Variants in SEMA4D observed in about 807,000 individuals in gnomAD.
The protein encoded by SEMA4D is semaphorin 4D.
A neutral mutation model predicts 74.8 loss-of-function variants in SEMA4D; 22 were observed. That is an observed-to-expected ratio of 0.29 (90% CI 0.21 to 0.42). SEMA4D has a LOEUF of 0.42. Among genes scored for constraint, SEMA4D ranks in the 10% least tolerant of loss-of-function variants. SEMA4D has a pLI of 1.00. For synonymous variants in SEMA4D, 445 were observed against 463.7 expected, an observed-to-expected ratio of 0.96 and a Z score of 0.52; for missense variants, 937 against 1,118.4, an observed-to-expected ratio of 0.84 and a Z score of 2.31.
intron 2 of SEMA4D, among the ~76,000 whole-genome samples, chr9:89,451,892 G>T (rs7850091): frequency 0.96 from 146,490 of 152,328 alleles, 70,652 homozygotes; most frequent in Non-Finnish European, 1. Flanking sequence ...GCCTTCTGTG[G>T]GCAAACTCTT....
chr9:89,391,724 G>A (rs1839918590), intron 8 of SEMA4D, among the ~76,000 whole-genome samples: 1 of 152,134 alleles, frequency 6.6e-6, no homozygotes, highest in African/African-American at 2.4e-5. Context: ...TGGAAGGCAG[G>A]GAGCCAGATG....
intron 6 of SEMA4D, among the ~76,000 whole-genome samples, chr9:89,394,355 T>C (rs1026917828): frequency 1.3e-5 from 2 of 151,840 alleles, no homozygotes; most frequent in African/African-American, 2.4e-5. Flanking sequence ...CTGGGGGAAA[T>C]GCCTACAGAA....
At chr9:89,420,269 C>T (rs1436738903) in intron 2 of SEMA4D, among the ~76,000 whole-genome samples, 2 of 152,172 alleles carry the variant, frequency 1.3e-5, no homozygotes. Flanking sequence ...TACACATACA[C>T]GGTTTGTTTC....
In SEMA4D at chr9:89,379,032, T is replaced by C. The variant is rs1038584355; in HGVS notation, c.2261A>G (p.Asn754Ser). 1.2e-6 allele frequency: 2 copies of C among 1,611,754 alleles called. No individual in the cohort carries two copies. Among genetic ancestry groups the C allele is most frequent in the South Asian group, 1.1e-5 (1 of 90,896 alleles). Residue 754 changes from asparagine to serine, a missense_variant, in exon 16 of 16, where the codon AAC becomes AGC. Physicochemically the swap from Asn to Ser is conservative, Grantham distance 46. Coordinates refer to ENST00000422704, the MANE Select transcript of SEMA4D (RefSeq NM_001371194.2). Reference protein sequence around the residue: ...FVLFLCLFFYNCYKGYLPRQC... With the variant: ...FVLFLCLFFYSCYKGYLPRQC... ...TCTGGGCAGGTATCCCTTATAGCAG[T>C]TGTAGAAAAAGAGGCAGAGGAAGAG...
intron 8 of SEMA4D, among the ~76,000 whole-genome samples, chr9:89,391,837 G>A (rs1487319950): frequency 6.6e-6 from 1 of 152,218 alleles, no homozygotes. Flanking sequence ...CCACCCTGAG[G>A]AATGGCCGAC....
chr9:89,421,715 G>A (rs887269404), intron 2 of SEMA4D, among the ~76,000 whole-genome samples: 19 of 152,314 alleles, frequency 1.2e-4, no homozygotes, highest in Admixed American at 1.0e-3. Context: ...ATGAAAGGGC[G>A]CTGTTCAGTA....
chr9:89,363,271 C>CG (rs887094705), intron 18 of SEMA4D, among the ~76,000 whole-genome samples: 1 of 147,690 alleles, frequency 6.8e-6, no homozygotes, highest in African/African-American at 2.4e-5. Flanking sequence ...GGGATTTCCC[C>CG]CCCCAGTGTT....
chr9:89,414,222 A>T (rs1462635779), intron 2 of SEMA4D, among the ~76,000 whole-genome samples: 2 of 152,208 alleles, frequency 1.3e-5, no homozygotes, highest in Non-Finnish European at 2.9e-5. Context: ...CTGAAAGGGG[A>T]TCTCTGGTGA....
rs1855786251 is a variant in SEMA4D at position 89,455,775 on chromosome 9, T to C, written c.-244+113A>G. On this transcript the variant is annotated intron_variant, in intron 2 of 15. Coordinates refer to ENST00000422704, the MANE Select transcript of SEMA4D (RefSeq NM_001371194.2). Reference sequence around the variant, plus strand: ...GACACCTGCCTGGCAGGTCACACAGTGAATGGGCATCGCTGCTGACTGAGG... The same window carrying C: ...GACACCTGCCTGGCAGGTCACACAGCGAATGGGCATCGCTGCTGACTGAGG... 3 of 152,216 alleles carry C rather than the reference T, an allele frequency of 2.0e-5. No homozygotes were observed. In the South Asian group the frequency reaches 6.2e-4, roughly 32 times the overall value. The allele number at this position is 152,216 out of a possible 1,614,324, so 9.4% of individuals were successfully genotyped here.
At chr9:89,428,687 C>T (rs374048728) in intron 2 of SEMA4D, among the ~76,000 whole-genome samples, 5 of 152,254 alleles carry the variant, frequency 3.3e-5, no homozygotes, top group East Asian at 1.9e-4. Flanking sequence ...TTCTCCTGCA[C>T]CAGGGCAATG....
intron 1 of SEMA4D, among the ~76,000 whole-genome samples, chr9:89,482,357 G>A (rs979140515): frequency 1.3e-5 from 2 of 152,198 alleles, no homozygotes; most frequent in Non-Finnish European, 2.9e-5. Context: ...ACTTGGAAGA[G>A]TCACAACGCA....
intron 1 of SEMA4D, chr9:89,472,469 C>CA (rs1335047178): frequency 1.3e-5 from 2 of 151,110 alleles, no homozygotes; most frequent in East Asian, 3.2e-4. Context: ...CACTGAGAAG[C>CA]ACCCCCCTTT....
intron 1 of SEMA4D, among the ~76,000 whole-genome samples, chr9:89,483,299 T>A (rs998793627): frequency 2.0e-5 from 3 of 152,150 alleles, no homozygotes; most frequent in African/African-American, 4.8e-5. Flanking sequence ...AAGCTAGATA[T>A]CCAATTCCAC....
chr9:89,400,183 G>A (rs1162048139), intron 4 of SEMA4D, among the ~76,000 whole-genome samples: 3 of 152,174 alleles, frequency 2.0e-5, no homozygotes, highest in Non-Finnish European at 4.4e-5. Flanking sequence ...ATCTTAGTAA[G>A]ATCCATGTTC....
chr9:89,391,626 C>A (rs1839892979), intron 8 of SEMA4D, among the ~76,000 whole-genome samples: 1 of 152,238 alleles, frequency 6.6e-6, no homozygotes, highest in Admixed American at 6.5e-5. Flanking sequence ...ACCCCCACCT[C>A]CTCGGCCTCA....
At chr9:89,416,152 A>G (rs1326955854) in intron 2 of SEMA4D, among the ~76,000 whole-genome samples, 2 of 152,224 alleles carry the variant, frequency 1.3e-5, no homozygotes. Context: ...GCTGCTAGTT[A>G]GTGCTGGGAA....
chr9:89,480,742 G>A (rs1029069530), intron 1 of SEMA4D, among the ~76,000 whole-genome samples: 4 of 152,224 alleles, frequency 2.6e-5, no homozygotes, highest in Admixed American at 6.5e-5. Flanking sequence ...ACGCCCACCC[G>A]GAACTCCAGC....
At chr9:89,425,697 C>T (rs1198663472) in intron 2 of SEMA4D, among the ~76,000 whole-genome samples, 2 of 152,190 alleles carry the variant, frequency 1.3e-5, no homozygotes, top group African/African-American at 2.4e-5. Flanking sequence ...TCCACCCCCT[C>T]CCCCAGTGTG....
At position 89,492,696 on chromosome 9, in the gene SEMA4D, G is replaced by A. The variant is rs968917964; in HGVS notation, c.-310+5223C>T. ...GGTCATCCTGGACCCCTTGCTTGCT[G>A]CAACAGCCCTCATGGGATCCATCAC... On this transcript the variant is annotated intron_variant, in intron 1 of 15. Coordinates refer to ENST00000422704, the MANE Select transcript of SEMA4D (RefSeq NM_001371194.2). The surrounding 1 kb of genome is among the most constrained non-coding windows in gnomAD (Gnocchi z 4.3). Among the ~76,000 whole-genome samples, 1 of 152,148 alleles carries A rather than the reference G, an allele frequency of 6.6e-6. No individual in the cohort carries two copies. Among genetic ancestry groups the A allele is most frequent in the Non-Finnish European group, 1.5e-5 (1 of 68,022 alleles).
Sources: gnomAD v4.1 joint callset for allele counts (sites outside exome capture counted in the v4.1 genomes callset) on GRCh38, gnomAD v4.1.1 for gene constraint, Gnocchi (gnomAD v3.1) non-coding constraint, MANE v1.5 for transcripts, NCBI Gene and HGNC (gene_info 2026-07-23, HGNC 2026-07-21) for gene names.